The following F8 variants were observed in gnomAD, a reference collection of about 807,000 sequenced individuals.
F8 encodes the protein antihemophilic factor.
In F8, 12 loss-of-function variants were observed where a neutral mutation model predicts 140.6. That is an observed-to-expected ratio of 0.09 (90% CI 0.05 to 0.14). The LOEUF (loss-of-function observed/expected upper bound fraction) is 0.14, where lower values mean the gene tolerates loss of function less well. Among genes scored for constraint, F8 ranks in the 10% least tolerant of loss-of-function variants. The probability of loss-of-function intolerance (pLI) is 1.00; values close to 1 mark genes in which losing one functional copy is unlikely to be tolerated. For synonymous variants in F8, 585 were observed against 614.6 expected (o/e 0.95, Z 0.71); for missense variants, 1,354 against 1,720.7 (o/e 0.79, Z 3.77).
At chrX:154,943,345 A>G (rs1415147022) in intron 13 of F8, among the ~76,000 whole-genome samples, 4 of 112,054 alleles carry the variant, frequency 3.6e-5, no homozygotes, top group Admixed American at 9.5e-5. Flanking sequence ...TCAATGTACA[A>G]AAATCACAAG....
At chrX:154,990,718 A>G (rs1463207757) in intron 4 of F8, among the ~76,000 whole-genome samples, 2 of 111,728 alleles carry the variant, frequency 1.8e-5, no homozygotes, top group Admixed American at 9.6e-5. Flanking sequence ...GAACATGTTG[A>G]AGACTGTGAA....
intron 6 of F8, 40 bp downstream of exon 6, chrX:154,984,647 T>C: frequency 1.9e-6 from 2 of 1,041,986 alleles, no homozygotes; most frequent in Non-Finnish European, 2.7e-6. Context: ...GGTGCTGAAT[T>C]TGGAAGACCC....
At chrX:154,990,632 G>T (rs2073582357) in intron 4 of F8, among the ~76,000 whole-genome samples, 1 of 112,046 alleles carries the variant, frequency 8.9e-6, no homozygotes, top group African/African-American at 3.2e-5. Context: ...CATATACTGA[G>T]TTCAGTTTCA....
intron 21 of F8, among the ~76,000 whole-genome samples, chrX:154,899,305 C>G (rs2072998069): frequency 8.9e-6 from 1 of 112,316 alleles, no homozygotes; most frequent in African/African-American, 3.2e-5. Context: ...GCAGGCACTT[C>G]CAAGCTGCCC....
chrX:154,927,977 C>A (rs1281566505), intron 14 of F8, among the ~76,000 whole-genome samples: 1 of 111,985 alleles, frequency 8.9e-6, no homozygotes, highest in African/African-American at 3.2e-5. Flanking sequence ...ATTCTATCTT[C>A]TGAACAACAC....
intron 25 of F8, among the ~76,000 whole-genome samples, chrX:154,850,118 TGTA>T (rs1247129287): frequency 1.9e-5 from 2 of 105,267 alleles, no homozygotes; most frequent in Admixed American, 2.2e-4. Flanking sequence ...TGTGTGTGTG[TGTA>T]TTTTTTTTTT....
chrX:154,876,092 C>A (rs1383047385), intron 22 of F8, among the ~76,000 whole-genome samples: 1 of 107,357 alleles, frequency 9.3e-6, no homozygotes, highest in Non-Finnish European at 1.9e-5. Flanking sequence ...TATATGATCA[C>A]ACATCAGTTT....
At chrX:154,848,125 C>T (rs2072584681) in intron 25 of F8, among the ~76,000 whole-genome samples, 1 of 112,669 alleles carries the variant, frequency 8.9e-6, no homozygotes, top group Admixed American at 9.3e-5. Flanking sequence ...GCAAATGTTG[C>T]TGCCTGATCG....
intron 25 of F8, among the ~76,000 whole-genome samples, chrX:154,847,421 T>C (rs1436275243): frequency 1.8e-5 from 2 of 111,635 alleles, no homozygotes; most frequent in Admixed American, 1.9e-4. Context: ...TCAGGTACAC[T>C]AATCAGACAT....
intron 13 of F8, among the ~76,000 whole-genome samples, chrX:154,938,978 G>C (rs1557279428): frequency 1.8e-5 from 2 of 111,185 alleles, no homozygotes; most frequent in Admixed American, 9.5e-5. Flanking sequence ...TAAATGACAA[G>C]AGCACAAAAG....
At chrX:155,018,492 GAA>G (rs1161307086) in intron 1 of F8, among the ~76,000 whole-genome samples, 1 of 87,409 alleles carries the variant, frequency 1.1e-5, no homozygotes. Flanking sequence ...ATACCAACTA[GAA>G]AAAAAAAAAA....
chrX:154,999,593 G>A lies in F8; in HGVS notation c.151C>T (p.Pro51Ser). ...GELPVDARFP[P>S]RVPKSFPFNT... ...AATGGAAAAGATTTTGGCACTCTAGGAGGAAATCTGCGTGAAGAAAGGAAA... is the reference window on the plus strand; with the variant it reads ...AATGGAAAAGATTTTGGCACTCTAGAAGGAAATCTGCGTGAAGAAAGGAAA... Residue 51 changes from proline (P) to serine (S), a missense_variant, in exon 2 of 26, where the codon CCT (proline) becomes TCT (serine). Pro to Ser is a moderately conservative substitution (Grantham distance 74, BLOSUM62 -1). Around this residue, in one of 4 missense-constraint regions of F8, gnomAD observed 128 missense variants for 230.4 expected, o/e 0.56. Coordinates refer to ENST00000360256, the MANE Select transcript of F8 (RefSeq NM_000132.4). The A allele has an allele frequency of 8.3e-7, 1 of 1,205,783 alleles. No individual in the cohort carries two copies. The highest frequency in any genetic ancestry group is 2.3e-4 in the Middle Eastern group (1 of 4,319).
At chrX:154,953,290 G>A (rs966443617) in intron 12 of F8, among the ~76,000 whole-genome samples, 2 of 112,052 alleles carry the variant, frequency 1.8e-5, no homozygotes, top group Admixed American at 1.9e-4. Context: ...TTAAAATAAG[G>A]TCATTACGGT....
At chrX:154,939,442 C>G (rs1158903928) in intron 13 of F8, among the ~76,000 whole-genome samples, 1 of 112,659 alleles carries the variant, frequency 8.9e-6, no homozygotes, top group East Asian at 2.8e-4. Flanking sequence ...TGAGATCAAA[C>G]TGCAAGGTGG....
intron 14 of F8, among the ~76,000 whole-genome samples, chrX:154,924,676 A>G (rs1160409494): frequency 1.8e-5 from 2 of 112,055 alleles, no homozygotes; most frequent in Admixed American, 9.4e-5. Flanking sequence ...GTTCTCCATG[A>G]GGGCCCACCC....
chrX:154,870,484 T>A (rs1169313644), intron 22 of F8, among the ~76,000 whole-genome samples: 1 of 111,663 alleles, frequency 9.0e-6, no homozygotes, highest in South Asian at 3.8e-4. Context: ...AGGCCTTCGA[T>A]AAAATTCAAC....
chrX:154,893,013 G>A (rs782004921), intron 22 of F8, among the ~76,000 whole-genome samples: 1 of 111,949 alleles, frequency 8.9e-6, no homozygotes, highest in Non-Finnish European at 1.9e-5. Context: ...TCATCTGCAT[G>A]ACAGAACCTT....
chrX:154,904,129 TA>T, intron 17 of F8, 41 bp from the exon 18 acceptor site: 2 of 1,193,630 alleles, frequency 1.7e-6, no homozygotes, highest in Non-Finnish European at 1.1e-6. Context: ...ATCTATTATA[TA>T]AGTTTCTTTC....
chrX:155,007,306 C>T (rs1343806334), intron 1 of F8, among the ~76,000 whole-genome samples: 1 of 112,756 alleles, frequency 8.9e-6, no homozygotes, highest in African/African-American at 3.2e-5. Flanking sequence ...TCTGCATAGG[C>T]CATCGCAGTA....
Sources: gnomAD v4.1 joint callset for allele counts (sites outside exome capture counted in the v4.1 genomes callset) on GRCh38, gnomAD v4.1.1 for gene constraint, gnomAD v4.1.1 regional missense constraint, MANE v1.5 for transcripts, NCBI Gene and HGNC (gene_info 2026-07-23, HGNC 2026-07-21) for gene names.